Variants in TUBA8 observed in about 807,000 individuals in gnomAD.
TUBA8 encodes tubulin alpha-8 chain.
Under a neutral mutation model 34.7 loss-of-function variants are expected in TUBA8, and 29 were observed. The observed-to-expected ratio is 0.84, with a 90% CI of 0.62 to 1.14. The LOEUF is 1.14. Ranked by LOEUF, TUBA8 falls within the 50% of genes most tolerant of loss-of-function variation. The pLI is 0.00. For synonymous variants in TUBA8, 226 were observed against 231.2 expected (o/e 0.98, Z 0.21); for missense variants, 541 against 599.2 (o/e 0.90, Z 1.01).
At position 18,126,880 on chromosome 22, in the gene TUBA8, A is replaced by G. The variant is rs2234333; in HGVS notation, c.902A>G (p.Gln301Arg). Residue 301 changes from glutamine (Q) to arginine (R), a missense_variant, in exon 4 of 5, where the codon CAG (glutamine) becomes CGG (arginine). Coordinates refer to ENST00000330423, the MANE Select transcript of TUBA8 (RefSeq NM_018943.3). The surrounding 1 kb of genome is among the most constrained non-coding windows in gnomAD (Gnocchi z 4.0). ...AGCTCCTGCTTTGAGCCCAACAGCC[A>G]GATGGTGAAGTGCGACCCGAGACAT... The part of the protein sequence containing the change: ...ITSSCFEPNS[Q>R]MVKCDPRHGK... 998 of 1,611,918 alleles carry G rather than the reference A, an allele frequency of 6.2e-4. 12 individuals are homozygous for G. The East Asian group carries it at 0.021, about 33-fold the overall frequency.
intron 3 of TUBA8, chr22:18,125,559 G>A (rs543207992): frequency 6.9e-4 from 103 of 149,536 alleles, no homozygotes; most frequent in African/African-American, 2.4e-3. Flanking sequence ...GAGAGGTTCA[G>A]TAACTTGCTC....
intron 4 of TUBA8, chr22:18,127,962 G>A (rs1482815297): frequency 1.3e-5 from 2 of 152,288 alleles, no homozygotes; most frequent in East Asian, 3.9e-4. Flanking sequence ...TGGGATTACA[G>A]GCAGGAGCCA....
Position 18,124,995 on chromosome 22 carries a change from C to G in TUBA8, c.375+691C>G, listed in dbSNP as rs1462430497. On this transcript the variant is annotated intron_variant, in intron 3 of 4. Coordinates refer to ENST00000330423, the MANE Select transcript of TUBA8 (RefSeq NM_018943.3). This position sits in a 1 kb window ranked among gnomAD's most constrained non-coding sequence, Gnocchi z 4.3. The stretch of plus-strand genomic sequence containing the variant: ...AAACTTTTGCATATATTCACTTTTT[C>G]TGTTTAGAGGAGGGCTTGTCAGGGT... 1.3e-5 allele frequency: 2 copies of G among 152,136 alleles called. No homozygotes were observed. Among genetic ancestry groups the G allele is most frequent in the Non-Finnish European group, 2.9e-5 (2 of 68,042 alleles). 9.4% of individuals were successfully genotyped at this position (152,136 alleles called of 1,614,324 possible).
In TUBA8 at chr22:18,126,835, T is replaced by C. The variant is rs1267541581; in HGVS notation, c.857T>C (p.Leu286Pro). 5.6e-6 allele frequency: 9 copies of C among 1,612,668 alleles called. No individual in the cohort carries two copies. The highest frequency in any genetic ancestry group is 7.6e-6 in the Non-Finnish European group (9 of 1,179,198). Residue 286 changes from leucine (L) to proline (P), a missense_variant, in exon 4 of 5, where the codon CTC (leucine) becomes CCC (proline). Transcript: ENST00000330423. This position sits in a 1 kb window ranked among gnomAD's most constrained non-coding sequence, Gnocchi z 4.0. ...ISAEKAYHEQ[L>P]SVAEITSSCF... ...GCCGAGAAAGCCTATCACGAACAGC[T>C]CTCTGTGGCCGAGATAACCAGCTCC...
chr22:18,122,572 A>G (rs1928178939), intron 2 of TUBA8: 1 of 151,906 alleles, frequency 6.6e-6, no homozygotes, highest in African/African-American at 2.4e-5. Flanking sequence ...CTTTGTGTGG[A>G]CCCTTGGAAG....
At chr22:18,128,272 G>T (rs1928400004) in intron 4 of TUBA8, 1 of 152,206 alleles carries the variant, frequency 6.6e-6, no homozygotes, top group Non-Finnish European at 1.5e-5. Flanking sequence ...CCGTGTGGCT[G>T]GTGGTAACCA....
chr22:18,114,270 G>A (rs1399129126), intron 1 of TUBA8: 1 of 152,370 alleles, frequency 6.6e-6, no homozygotes, highest in Non-Finnish European at 1.5e-5. Context: ...CCCAGTGCCA[G>A]CCACAGCCCA....
intron 1 of TUBA8, chr22:18,112,747 G>A (rs1030176281): frequency 2.0e-5 from 3 of 152,210 alleles, no homozygotes; most frequent in African/African-American, 7.2e-5. Flanking sequence ...ACTCAATTTT[G>A]TCTAGTAGGT....
At chr22:18,125,262 T>A (rs190599851) in intron 3 of TUBA8, 1 of 152,306 alleles carries the variant, frequency 6.6e-6, no homozygotes, top group Non-Finnish European at 1.5e-5. Context: ...ATGCCTGTAA[T>A]CCCAGCACTT....
chr22:18,123,112 A>AC, intron 2 of TUBA8: 2 of 114,388 alleles, frequency 1.7e-5, no homozygotes, highest in African/African-American at 9.4e-5. Context: ...CCCGTCTCCA[A>AC]AAAAAAAAAA....
chr22:18,111,036 C>T lies in TUBA8; in HGVS notation c.3+168C>T, dbSNP rs112872817. On this transcript the variant is annotated intron_variant, in intron 1 of 4. Transcript: ENST00000330423. This position sits in a 1 kb window ranked among gnomAD's most constrained non-coding sequence, Gnocchi z 5.1. ...AGTCCGCACCCTCGGGCGGGAACACCCGGTGCCCTTTATCGTATGGGGGAA... is the reference window on the plus strand; with the variant it reads ...AGTCCGCACCCTCGGGCGGGAACACTCGGTGCCCTTTATCGTATGGGGGAA... 2.0e-6 allele frequency: 2 copies of T among 993,336 alleles called. No individual in the cohort carries two copies. Among genetic ancestry groups the T allele is most frequent in the Non-Finnish European group, 3.0e-6 (2 of 665,584 alleles). 61.5% of individuals were successfully genotyped at this position (993,336 alleles called of 1,614,324 possible).
Position 18,121,998 on chromosome 22 carries a change from A to G in TUBA8, c.226+297A>G, listed in dbSNP as rs1928164907. 2.7e-6 allele frequency: 1 copy of G among 371,882 alleles called. No homozygotes were observed. The highest frequency in any genetic ancestry group is 5.0e-6 in the Non-Finnish European group (1 of 200,684). The allele number at this position is 371,882 out of a possible 1,614,324, so 23.0% of individuals were successfully genotyped here. ...ATACTAAGGATAAGAAAATCCAAAT[A>G]ATTTTAGAAATTATAAGACACCCCT... On this transcript the variant is annotated intron_variant, in intron 2 of 4. Coordinates refer to ENST00000330423, the MANE Select transcript of TUBA8 (RefSeq NM_018943.3). This position sits in a 1 kb window ranked among gnomAD's most constrained non-coding sequence, Gnocchi z 4.8.
In TUBA8 at chr22:18,121,214, G is replaced by A. The variant is rs545772047; in HGVS notation, c.4-265G>A. 2.1e-5 allele frequency: 10 copies of A among 473,768 alleles called. No individual in the cohort carries two copies. The highest frequency in any genetic ancestry group is 1.2e-3 in the Middle Eastern group (2 of 1,704). 29.3% of individuals were successfully genotyped at this position (473,768 alleles called of 1,614,324 possible). A position where few individuals can be genotyped will look rare whatever the true frequency, so the allele number is the denominator to read the frequency against. ...GGAATTAGCCCCTTGCTTCATCTTT[G>A]CAACCACCCTCCTTTTTTCTTTCCT... On this transcript the variant is annotated intron_variant, in intron 1 of 4. Coordinates refer to ENST00000330423, the MANE Select transcript of TUBA8 (RefSeq NM_018943.3). The surrounding 1 kb of genome is among the most constrained non-coding windows in gnomAD (Gnocchi z 4.8).
chr22:18,126,279 G>A lies in TUBA8; in HGVS notation c.376-75G>A, dbSNP rs362195. On this transcript the variant is annotated intron_variant, in intron 3 of 4. Coordinates refer to ENST00000330423, the MANE Select transcript of TUBA8 (RefSeq NM_018943.3). The surrounding 1 kb of genome is among the most constrained non-coding windows in gnomAD (Gnocchi z 4.0). ...AAAATATGAGGCAGACAGAGTGGGC[G>A]GTCTGGCTTTTTTACTGTGGGGTGT... 90,885 of 1,387,972 alleles carry A rather than the reference G, an allele frequency of 0.065. 5,095 individuals carry two copies. The highest frequency in any genetic ancestry group is 0.3 in the East Asian group (13,241 of 43,810). The allele number at this position is 1,387,972 out of a possible 1,614,324, so 86.0% of individuals were successfully genotyped here.
chr22:18,116,732 C>G (rs921924534), intron 1 of TUBA8: 2 of 152,292 alleles, frequency 1.3e-5, no homozygotes, highest in Non-Finnish European at 2.9e-5. Flanking sequence ...TGGGTCTGCT[C>G]TGTGGAACTT....
At position 18,111,038 on chromosome 22, in the gene TUBA8, G is replaced by A; in HGVS notation, c.3+170G>A. 1.0e-6 allele frequency: 1 copy of A among 983,752 alleles called. No individual in the cohort carries two copies. Among genetic ancestry groups the A allele is most frequent in the Non-Finnish European group, 1.5e-6 (1 of 657,116 alleles). The allele number at this position is 983,752 out of a possible 1,614,324, so 60.9% of individuals were successfully genotyped here. On this transcript the variant is annotated intron_variant, in intron 1 of 4. Coordinates refer to ENST00000330423, the MANE Select transcript of TUBA8 (RefSeq NM_018943.3). This position sits in a 1 kb window ranked among gnomAD's most constrained non-coding sequence, Gnocchi z 5.1. ...TCCGCACCCTCGGGCGGGAACACCC[G>A]GTGCCCTTTATCGTATGGGGGAAAT...
chr22:18,114,898 G>A (rs1927920954), intron 1 of TUBA8: 1 of 152,142 alleles, frequency 6.6e-6, no homozygotes, highest in Non-Finnish European at 1.5e-5. Context: ...CAAGGATGGT[G>A]ATTAGCTTAT....
chr22:18,127,355 G>C (rs924162634), intron 4 of TUBA8: 2 of 261,592 alleles, frequency 7.6e-6, no homozygotes, highest in Non-Finnish European at 1.4e-5. Context: ...AGTGCTTTTG[G>C]TGTTCATGAT....
rs758772460 is a variant in TUBA8, at chr22:18,126,421, G to C, written c.443G>C (p.Gly148Ala). ...FHSFGGGTGSGFTSLLMERLS... is the reference protein window; with the variant it reads ...FHSFGGGTGSAFTSLLMERLS... ...AGTTTTGGTGGGGGCACTGGCTCCG[G>C]CTTCACTTCTCTGCTGATGGAACGC... The change falls in exon 4 of 5, where the codon GGC becomes GCC. Residue 148 changes from glycine (G) to alanine (A), a missense_variant. Transcript: ENST00000330423. The surrounding 1 kb of genome is among the most constrained non-coding windows in gnomAD (Gnocchi z 4.0). 2 of 1,614,046 alleles carry C rather than the reference G, an allele frequency of 1.2e-6. No homozygotes were observed. Among genetic ancestry groups the C allele is most frequent in the Non-Finnish European group, 1.7e-6 (2 of 1,180,016 alleles).
Sources: gnomAD v4.1 joint callset for allele counts on GRCh38, gnomAD v4.1.1 for gene constraint, Gnocchi (gnomAD v3.1) non-coding constraint, MANE v1.5 for transcripts, NCBI Gene and HGNC (gene_info 2026-07-23, HGNC 2026-07-21) for gene names.